Variants in C3orf70 observed in about 807,000 individuals in gnomAD.
The protein encoded by C3orf70 is UPF0524 protein C3orf70.
C3orf70 carries 15 observed loss-of-function variants against 20.7 expected under a neutral mutation model. The observed-to-expected ratio is 0.72, with a 90% CI of 0.48 to 1.11. The LOEUF is 1.11. C3orf70 is among the 50% of genes most tolerant of loss of function. The pLI is 0.00. For synonymous variants in C3orf70, 161 were observed against 125.7 expected, an observed-to-expected ratio of 1.28 and a Z score of -1.88; for missense variants, 332 against 317.6, an observed-to-expected ratio of 1.05 and a Z score of -0.34.
chr3:185,083,685 G>A, intron 1 of C3orf70, 122 bp from the exon 2 acceptor site: 3 of 757,592 alleles, frequency 4.0e-6, no homozygotes, highest in South Asian at 5.0e-5. Context: ...AAAGAAACTA[G>A]TAATAAAATC....
intron 1 of C3orf70, among the ~76,000 whole-genome samples, chr3:185,088,092 T>G (rs74869328): frequency 0.026 from 3,917 of 152,072 alleles, 141 homozygotes; most frequent in African/African-American, 0.089. Context: ...TGTATTTTTG[T>G]TAGGGACGGA....
chr3:185,109,631 T>C (rs7430180), intron 1 of C3orf70, among the ~76,000 whole-genome samples: 143,167 of 152,272 alleles, frequency 0.94, 67,335 homozygotes, highest in Non-Finnish European at 0.95. Context: ...GCTATGATAG[T>C]GGTTATCACC....
At chr3:185,096,164 C>T (rs1715697236) in intron 1 of C3orf70, among the ~76,000 whole-genome samples, 1 of 152,106 alleles carries the variant, frequency 6.6e-6, no homozygotes, top group Non-Finnish European at 1.5e-5. Flanking sequence ...TTAATAATTA[C>T]CTCTCATTTC....
intron 1 of C3orf70, among the ~76,000 whole-genome samples, chr3:185,143,273 T>C (rs530685554): frequency 2.0e-5 from 3 of 152,048 alleles, no homozygotes; most frequent in Non-Finnish European, 2.9e-5. Context: ...AGGAAGAGAG[T>C]GTGTAGTCAG....
At chr3:185,100,309 C>A (rs1715796514) in intron 1 of C3orf70, among the ~76,000 whole-genome samples, 1 of 152,128 alleles carries the variant, frequency 6.6e-6, no homozygotes. Context: ...AAAACACACT[C>A]AGCAAATGCA....
intron 1 of C3orf70, among the ~76,000 whole-genome samples, chr3:185,135,472 AC>A (rs1716605618): frequency 6.6e-6 from 1 of 152,168 alleles, no homozygotes; most frequent in African/African-American, 2.4e-5. Flanking sequence ...AAATAATAAT[AC>A]AAAAATTAGC....
rs142352636 is a variant in C3orf70 at position 185,096,024 on chromosome 3, C to T, written c.197-12461G>A. 1.1e-3 allele frequency among the ~76,000 whole-genome samples: 160 copies of T among 152,162 alleles called. 1 individual carries two copies. In the East Asian group the frequency reaches 0.014, roughly 13 times the overall value. Reference sequence around the variant, plus strand: ...TGCTGGGATTACAGGCGTGAACCACCGCGCCTGGCCAAAACTTCATTTTTT... The same window carrying T: ...TGCTGGGATTACAGGCGTGAACCACTGCGCCTGGCCAAAACTTCATTTTTT... On this transcript the variant is annotated intron_variant, in intron 1 of 1. Transcript: ENST00000335012.
intron 1 of C3orf70, among the ~76,000 whole-genome samples, chr3:185,095,921 G>C (rs547475476): frequency 1.7e-4 from 26 of 152,022 alleles, no homozygotes; most frequent in Admixed American, 1.6e-3. Context: ...CATTTTAGTA[G>C]AGACGGGGTT....
At chr3:185,084,376 C>T (rs887271169) in intron 1 of C3orf70, among the ~76,000 whole-genome samples, 7 of 151,982 alleles carry the variant, frequency 4.6e-5, no homozygotes, top group Non-Finnish European at 1.0e-4. Flanking sequence ...CATACACCTA[C>T]ATATTTATTT....
intron 1 of C3orf70, among the ~76,000 whole-genome samples, chr3:185,123,574 A>C (rs984525162): frequency 1.3e-5 from 2 of 151,778 alleles, no homozygotes; most frequent in South Asian, 4.2e-4. Context: ...TCCTAGGCTC[A>C]AGCGATCCTC....
intron 1 of C3orf70, among the ~76,000 whole-genome samples, chr3:185,106,548 T>C (rs1447577666): frequency 2.0e-5 from 3 of 152,246 alleles, no homozygotes; most frequent in African/African-American, 7.2e-5. Context: ...AACACTGGGC[T>C]AATCAGTGTC....
chr3:185,105,529 C>T (rs1715915895), intron 1 of C3orf70, among the ~76,000 whole-genome samples: 1 of 152,238 alleles, frequency 6.6e-6, no homozygotes, highest in South Asian at 2.1e-4. Flanking sequence ...TTAATATCTA[C>T]AGAAACAATG....
chr3:185,137,186 G>A (rs180820913), intron 1 of C3orf70, among the ~76,000 whole-genome samples: 3 of 152,196 alleles, frequency 2.0e-5, no homozygotes, highest in East Asian at 1.9e-4. Flanking sequence ...CTGCACAAGC[G>A]CTCCTCTCGT....
intron 1 of C3orf70, among the ~76,000 whole-genome samples, chr3:185,110,468 G>A (rs549606800): frequency 7.2e-5 from 11 of 152,282 alleles, no homozygotes; most frequent in East Asian, 3.9e-4. Flanking sequence ...TGACTCCTGC[G>A]AGAAGTAGCT....
At position 185,083,139 on chromosome 3, in the gene C3orf70, T is replaced by C. The variant is rs1715383119; in HGVS notation, c.621A>G (p.Thr207=). The C allele has an allele frequency of 1.2e-6, 2 of 1,614,204 alleles. No homozygotes were observed. Among genetic ancestry groups the C allele is most frequent in the Non-Finnish European group, 8.5e-7 (1 of 1,180,026 alleles). The change falls in exon 2 of 2, where the codon ACA becomes ACG. Residue 207 remains threonine, a synonymous_variant. Transcript: ENST00000335012. ...AHYVESCDED[T]EEGAELSSEE... ...CTGAACTCAGTTCTGCTCCTTCTTC[T>C]GTGTCCTCGTCACACGATTCCACAT...
Position 185,090,585 on chromosome 3 carries a change from G to A in C3orf70, c.197-7022C>T, listed in dbSNP as rs553771622. On this transcript the variant is annotated intron_variant, in intron 1 of 1. Transcript: ENST00000335012. ...TGGCCTGAGGTAAATTGCATGCACAGTTCAGTTCTTTGACTTTATATTTTG... is the reference window on the plus strand; with the variant it reads ...TGGCCTGAGGTAAATTGCATGCACAATTCAGTTCTTTGACTTTATATTTTG... Among the ~76,000 whole-genome samples the A allele has an allele frequency of 3.3e-5, 5 of 152,218 alleles. No homozygotes were observed. The South Asian group carries it at 1.0e-3, about 32-fold the overall frequency.
chr3:185,142,283 C>T (rs142665657), intron 1 of C3orf70, among the ~76,000 whole-genome samples: 77 of 152,170 alleles, frequency 5.1e-4, no homozygotes, highest in Non-Finnish European at 1.0e-3. Flanking sequence ...CACAGTGAAA[C>T]CCCCCTCTCT....
chr3:185,110,941 C>A (rs1283142914), intron 1 of C3orf70, among the ~76,000 whole-genome samples: 1 of 152,192 alleles, frequency 6.6e-6, no homozygotes, highest in Non-Finnish European at 1.5e-5. Context: ...GCTCTGCAGG[C>A]TGTGAGACCC....
chr3:185,124,803 G>C (rs1210076801), intron 1 of C3orf70, among the ~76,000 whole-genome samples: 2 of 152,018 alleles, frequency 1.3e-5, no homozygotes, highest in Non-Finnish European at 2.9e-5. Flanking sequence ...CCAGTATATA[G>C]AAAGAGTTAA....
Sources: allele counts gnomAD v4.1 joint callset (sites outside exome capture counted in the v4.1 genomes callset), GRCh38; gene constraint gnomAD v4.1.1; transcripts MANE v1.5; gene names NCBI Gene and HGNC (gene_info 2026-07-23, HGNC 2026-07-21).